Variants in NOVA1 observed in about 807,000 individuals in gnomAD.
NOVA1 encodes NOVA alternative splicing regulator 1.
A neutral mutation model predicts 38.0 loss-of-function variants in NOVA1; 7 were observed. That is an observed-to-expected ratio of 0.18 (90% CI 0.10 to 0.35). The LOEUF (loss-of-function observed/expected upper bound fraction) is 0.35. NOVA1 is among the 10% of genes least tolerant of loss of function. NOVA1 has a pLI of 1.00. For synonymous variants in NOVA1, 270 were observed against 232.5 expected (o/e 1.16, Z -1.47); for missense variants, 460 against 616.0 (o/e 0.75, Z 2.68).
At chr14:26,590,915 A>G (rs1467953811) in intron 2 of NOVA1, among the ~76,000 whole-genome samples, 1 of 151,778 alleles carries the variant, frequency 6.6e-6, no homozygotes, top group Non-Finnish European at 1.5e-5. Context: ...TAAATTAATG[A>G]TGTCTTATAA....
Position 26,448,894 on chromosome 14 carries a change from C to A in NOVA1, c.589G>T (p.Val197Leu). Residue 197 changes from valine (V) to leucine (L), a missense_variant, in exon 5 of 5, where the codon GTA (valine) becomes TTA (leucine). Coordinates refer to ENST00000539517, the MANE Select transcript of NOVA1 (RefSeq NM_002515.3). The surrounding 1 kb of genome is among the most constrained non-coding windows in gnomAD (Gnocchi z 5.3). The part of the protein sequence containing the change: ...IGKGGATVKA[V>L]MEQSGAWVQL... ...ACCCAAGCCCCTGACTGCTCCATTACAGCCTTCACAGTAGCACCTCCCTTC... is the reference window on the plus strand; with the variant it reads ...ACCCAAGCCCCTGACTGCTCCATTAAAGCCTTCACAGTAGCACCTCCCTTC... 1 of 1,614,152 alleles carries A rather than the reference C, an allele frequency of 6.2e-7. No homozygotes were observed. The highest frequency in any genetic ancestry group is 8.5e-7 in the Non-Finnish European group (1 of 1,180,034).
intron 2 of NOVA1, among the ~76,000 whole-genome samples, chr14:26,482,422 A>AT (rs964106248): frequency 2.0e-5 from 3 of 152,120 alleles, no homozygotes; most frequent in Non-Finnish European, 2.9e-5. Flanking sequence ...CAAAACCGTA[A>AT]TTTTTAGGAG....
At position 26,472,353 on chromosome 14, in the gene NOVA1, T is replaced by A. The variant is rs1368595512; in HGVS notation, c.486A>T (p.Pro162=). The change falls in exon 4 of 5, where the codon CCA becomes CCT. Residue 162 remains proline (P), a synonymous_variant. Coordinates refer to ENST00000539517, the MANE Select transcript of NOVA1 (RefSeq NM_002515.3). ...PSSPTTTKSS[P]SDPMTTSRAN... is the part of the protein sequence containing the mutation. ...CTCTGGAGGTGGTCATGGGATCAGA[T>A]GGAGAGGACTTGGTGGTAGTTGGGG... 6.3e-7 allele frequency: 1 copy of A among 1,581,312 alleles called. No individual in the cohort carries two copies. Among genetic ancestry groups the A allele is most frequent in the Non-Finnish European group, 8.6e-7 (1 of 1,161,076 alleles).
chr14:26,466,312 A>G (rs1254367931), intron 4 of NOVA1, among the ~76,000 whole-genome samples: 1 of 152,194 alleles, frequency 6.6e-6, no homozygotes, highest in East Asian at 1.9e-4. Flanking sequence ...ACGGTAAACT[A>G]TTTCAGGTGG....
At chr14:26,561,960 C>T (rs932487771) in intron 2 of NOVA1, among the ~76,000 whole-genome samples, 4 of 152,032 alleles carry the variant, frequency 2.6e-5, no homozygotes, top group African/African-American at 4.8e-5. Context: ...AAGTGATAAT[C>T]GTTTATATTA....
At chr14:26,492,150 T>C (rs1354522854) in intron 2 of NOVA1, among the ~76,000 whole-genome samples, 1 of 152,228 alleles carries the variant, frequency 6.6e-6, no homozygotes, top group Non-Finnish European at 1.5e-5. Context: ...GATGCTACTG[T>C]AAACGAAATT....
At position 26,445,571 on chromosome 14, in the gene NOVA1, TA is replaced by T. The variant is rs1266271663; in HGVS notation, c.*2387del. 2 of 152,340 alleles carry T rather than the reference TA, an allele frequency of 1.3e-5. No individual in the cohort carries two copies. The highest frequency in any genetic ancestry group is 2.1e-4 in the South Asian group (1 of 4,828). 9.4% of individuals were successfully genotyped at this position (152,340 alleles called of 1,614,324 possible). On this transcript the variant is annotated 3_prime_UTR_variant, in exon 5 of 5. Transcript: ENST00000539517. The stretch of plus-strand genomic sequence containing the variant: ...TTGTTTAAATGGTTTGGCTTCAAAG[TA>T]ACATTAAATTCCAGATGAAATGCAT...
chr14:26,476,865 G>A (rs1008357546), intron 3 of NOVA1, among the ~76,000 whole-genome samples: 30 of 151,254 alleles, frequency 2.0e-4, no homozygotes, highest in Non-Finnish European at 3.7e-4. Flanking sequence ...ACAGGCATGC[G>A]CCACCACACC....
At chr14:26,461,854 C>A (rs1883704531) in intron 4 of NOVA1, among the ~76,000 whole-genome samples, 1 of 151,396 alleles carries the variant, frequency 6.6e-6, no homozygotes, top group African/African-American at 2.4e-5. Flanking sequence ...GCAGGAGAAT[C>A]TCTTGAACCT....
chr14:26,472,133 C>A, intron 4 of NOVA1, 187 bp downstream of exon 4: 1 of 513,928 alleles, frequency 1.9e-6, no homozygotes, highest in South Asian at 3.7e-5. Flanking sequence ...TATTTGTTAT[C>A]TAAAATTAAA....
chr14:26,452,121 C>T (rs1882732259), intron 4 of NOVA1, among the ~76,000 whole-genome samples: 1 of 152,132 alleles, frequency 6.6e-6, no homozygotes, highest in Admixed American at 6.6e-5. Flanking sequence ...TAATAGCTTA[C>T]ACAAGGCATT....
At chr14:26,569,590 T>A (rs1892346078) in intron 2 of NOVA1, among the ~76,000 whole-genome samples, 1 of 152,218 alleles carries the variant, frequency 6.6e-6, no homozygotes, top group Non-Finnish European at 1.5e-5. Flanking sequence ...AAATCTTACT[T>A]GCTTTATCTA....
In NOVA1 at chr14:26,445,438, TTAAC is replaced by T. The variant is rs1435305698; in HGVS notation, c.*2517_*2520del. ...AATATCTTCAATTTAGCTTTCAGTT[TTAAC>T]TAACATATAACCATGCTAACTAGGA... On this transcript the variant is annotated 3_prime_UTR_variant, in exon 5 of 5. Transcript: ENST00000539517. The T allele has an allele frequency of 1.1e-4, 16 of 152,222 alleles. No individual in the cohort carries two copies. The highest frequency in any genetic ancestry group is 3.6e-4 in the African/African-American group (15 of 41,462). 9.4% of individuals were successfully genotyped at this position (152,222 alleles called of 1,614,324 possible).
chr14:26,453,208 G>GTATGTATT lies in NOVA1; in HGVS notation c.520-4246_520-4245insAATACATA, dbSNP rs796387130. ...TGTATGTATGTATGTATGTATGTAT[G>GTATGTATT]TATTTATTTATTTTTAGAGAGGGGG... On this transcript the variant is annotated intron_variant, in intron 4 of 4. Coordinates refer to ENST00000539517, the MANE Select transcript of NOVA1 (RefSeq NM_002515.3). Among the ~76,000 whole-genome samples the GTATGTATT allele has an allele frequency of 2.0e-3, 251 of 125,452 alleles. 2 individuals carry two copies. The highest frequency in any genetic ancestry group is 7.3e-3 in the Middle Eastern group (2 of 274). The allele number at this position is 125,452 out of a possible 152,430, so 82.3% of individuals were successfully genotyped here. A position where few individuals can be genotyped will look rare whatever the true frequency, so the allele number is the denominator to read the frequency against.
In NOVA1 at chr14:26,445,378, T is replaced by C. The variant is rs146292008; in HGVS notation, c.*2581A>G. On this transcript the variant is annotated 3_prime_UTR_variant, in exon 5 of 5. Coordinates refer to ENST00000539517, the MANE Select transcript of NOVA1 (RefSeq NM_002515.3). ...ATGAAGCTGATTTACACATAATGCA[T>C]ACAAACCCTTATCTGTCACCATAAA... The C allele has an allele frequency of 5.8e-4, 89 of 152,356 alleles. No individual in the cohort carries two copies. Among genetic ancestry groups the C allele is most frequent in the African/African-American group, 1.8e-3 (74 of 41,594 alleles). The allele number at this position is 152,356 out of a possible 1,614,324, so 9.4% of individuals were successfully genotyped here.
chr14:26,510,975 T>G (rs1888041352), intron 2 of NOVA1, among the ~76,000 whole-genome samples: 1 of 152,192 alleles, frequency 6.6e-6, no homozygotes, highest in South Asian at 2.1e-4. Context: ...AACAGATTAT[T>G]TAAGAAAATC....
Position 26,577,034 on chromosome 14 carries a change from A to C in NOVA1, c.280+18376T>G, listed in dbSNP as rs191056064. ...ATTTCCCCTCCCCACCCTGGTAACC[A>C]CTATTCTATTCTCCATTTCTAGGTA... On this transcript the variant is annotated intron_variant, in intron 2 of 4. Transcript: ENST00000539517. Among the ~76,000 whole-genome samples, 32 of 151,902 alleles carry C rather than the reference A, an allele frequency of 2.1e-4. No individual in the cohort carries two copies. In the East Asian group the frequency reaches 5.8e-3, roughly 28 times the overall value.
At chr14:26,554,720 A>T (rs1891380030) in intron 2 of NOVA1, among the ~76,000 whole-genome samples, 1 of 152,168 alleles carries the variant, frequency 6.6e-6, no homozygotes, top group Non-Finnish European at 1.5e-5. Flanking sequence ...TGTATTATAA[A>T]ATGGTTAGTA....
rs1174555865 is a variant in NOVA1 at position 26,444,854 on chromosome 14, A to T, written c.*3105T>A. The T allele has an allele frequency of 6.9e-6, 1 of 144,418 alleles. No individual in the cohort carries two copies. The highest frequency in any genetic ancestry group is 1.5e-5 in the Non-Finnish European group (1 of 67,392). The allele number at this position is 144,418 out of a possible 1,614,324, so 8.9% of individuals were successfully genotyped here. On this transcript the variant is annotated 3_prime_UTR_variant, in exon 5 of 5. Coordinates refer to ENST00000539517, the MANE Select transcript of NOVA1 (RefSeq NM_002515.3). ...AAAAAAACAAAAAAACAAACAAACA[A>T]ACAAACAAAAAAAAAACAAAAAAAC...
Sources: gnomAD v4.1 joint callset for allele counts (sites outside exome capture counted in the v4.1 genomes callset) on GRCh38, gnomAD v4.1.1 for gene constraint, Gnocchi (gnomAD v3.1) non-coding constraint, MANE v1.5 for transcripts, NCBI Gene and HGNC (gene_info 2026-07-23, HGNC 2026-07-21) for gene names.